The following ATXN10 variants were observed in gnomAD, a reference collection of about 807,000 sequenced individuals.
ATXN10 encodes ataxin-10.
In ATXN10, 28 loss-of-function variants were observed where a neutral mutation model predicts 52.9. That is an observed-to-expected ratio of 0.53 (90% CI 0.39 to 0.73). The LOEUF is 0.73. ATXN10 is among the 30% of genes least tolerant of loss of function. ATXN10 has a pLI of 0.00. For missense variants in ATXN10, 565 were observed against 577.0 expected, an observed-to-expected ratio of 0.98 and a Z score of 0.21; for synonymous variants, 226 against 221.5, an observed-to-expected ratio of 1.02 and a Z score of -0.18.
intron 1 of ATXN10, among the ~76,000 whole-genome samples, chr22:45,689,235 G>A (rs1025393549): frequency 6.6e-6 from 1 of 152,172 alleles, no homozygotes; most frequent in African/African-American, 2.4e-5. Flanking sequence ...CAGAGGACCA[G>A]AATATATTCT....
chr22:45,745,354 G>T (rs1042361739), intron 9 of ATXN10, among the ~76,000 whole-genome samples: 1 of 152,012 alleles, frequency 6.6e-6, no homozygotes, highest in Admixed American at 6.6e-5. Context: ...CCTTCCGCCC[G>T]CCAAGGAAAT....
intron 10 of ATXN10, among the ~76,000 whole-genome samples, chr22:45,827,845 G>C (rs1163999743): frequency 6.6e-5 from 10 of 152,156 alleles, no homozygotes. Flanking sequence ...GTGCACAGAA[G>C]ACATTTTCCA....
chr22:45,807,537 C>T (rs1172752947), intron 10 of ATXN10, among the ~76,000 whole-genome samples: 1 of 152,206 alleles, frequency 6.6e-6, no homozygotes. Context: ...GTTTGTCCTG[C>T]AGCCCTCTGC....
Position 45,772,593 on chromosome 22 carries a change from ACT to A in ATXN10, c.1173+32058_1173+32059del, listed in dbSNP as rs1414896409. 6.6e-6 allele frequency among the ~76,000 whole-genome samples: 1 copy of A among 151,952 alleles called. No individual in the cohort carries two copies. Among genetic ancestry groups the A allele is most frequent in the Non-Finnish European group, 1.5e-5 (1 of 67,952 alleles). On this transcript the variant is annotated intron_variant, in intron 9 of 11. Coordinates refer to ENST00000252934, the MANE Select transcript of ATXN10 (RefSeq NM_013236.4). This position sits in a 1 kb window ranked among gnomAD's most constrained non-coding sequence, Gnocchi z 4.1. The stretch of plus-strand genomic sequence containing the variant: ...AATAGCTTTTTCATAACTCTACAAA[ACT>A]CTGCTGTGATTGTGATTGGAATTGC...
At chr22:45,807,592 C>T (rs899318381) in intron 10 of ATXN10, among the ~76,000 whole-genome samples, 2 of 152,244 alleles carry the variant, frequency 1.3e-5, no homozygotes, top group East Asian at 3.8e-4. Context: ...TTGGGTTGGC[C>T]ACCCTTGCTG....
rs1295208819 is a variant in ATXN10, at chr22:45,770,793, C to A, written c.1173+30255C>A. Among the ~76,000 whole-genome samples, 1 of 152,246 alleles carries A rather than the reference C, an allele frequency of 6.6e-6. No individual in the cohort carries two copies. Among genetic ancestry groups the A allele is most frequent in the Non-Finnish European group, 1.5e-5 (1 of 68,046 alleles). On this transcript the variant is annotated intron_variant, in intron 9 of 11. Transcript: ENST00000252934. The surrounding 1 kb of genome is among the most constrained non-coding windows in gnomAD (Gnocchi z 4.5). ...GCCACGTCACATTCTCCATGCCTTG[C>A]TGGGACCCTTTAGCCAGTGAATTGT...
At chr22:45,703,183 T>A (rs935376005) in intron 5 of ATXN10, among the ~76,000 whole-genome samples, 1 of 152,216 alleles carries the variant, frequency 6.6e-6, no homozygotes, top group Non-Finnish European at 1.5e-5. Flanking sequence ...CAGTAGCTAG[T>A]TCATTAGATC....
intron 9 of ATXN10, among the ~76,000 whole-genome samples, chr22:45,773,918 G>A (rs1325480442): frequency 1.3e-5 from 2 of 152,234 alleles, no homozygotes; most frequent in East Asian, 3.8e-4. Flanking sequence ...ATCCACAGGT[G>A]TATTTCTATG....
rs1411581049 is a variant in ATXN10 at position 45,750,643 on chromosome 22, A to C, written c.1173+10105A>C. On this transcript the variant is annotated intron_variant, in intron 9 of 11. Transcript: ENST00000252934. This position sits in a 1 kb window ranked among gnomAD's most constrained non-coding sequence, Gnocchi z 4.2. ...AAGCCATAATTTTGACTATAAAATG[A>C]AAATAATTGAGGAATTGTCATATCA... is the stretch of plus-strand genomic sequence containing the variant. Among the ~76,000 whole-genome samples, 19 of 152,236 alleles carry C rather than the reference A, an allele frequency of 1.2e-4. 1 individual carries two copies. Among genetic ancestry groups the C allele is most frequent in the Admixed American group, 1.2e-3 (19 of 15,280 alleles).
intron 6 of ATXN10, among the ~76,000 whole-genome samples, chr22:45,726,202 C>G (rs758641839): frequency 3.3e-5 from 5 of 152,146 alleles, no homozygotes. Flanking sequence ...AGGATTCTCT[C>G]TTTCTCAACC....
rs1489893882 is a variant in ATXN10 at position 45,789,294 on chromosome 22, T to A, written c.1174-17665T>A. Among the ~76,000 whole-genome samples the A allele has an allele frequency of 6.6e-6, 1 of 152,228 alleles. No homozygotes were observed. The highest frequency in any genetic ancestry group is 2.4e-5 in the African/African-American group (1 of 41,464). On this transcript the variant is annotated intron_variant, in intron 9 of 11. Transcript: ENST00000252934. This position sits in a 1 kb window ranked among gnomAD's most constrained non-coding sequence, Gnocchi z 4.0. ...CCTGCCTCCCCCTGGCTAAGTTTCA[T>A]TCAGTACGTATCTGTTGGTTATATT...
intron 9 of ATXN10, among the ~76,000 whole-genome samples, chr22:45,747,537 G>T (rs969670941): frequency 6.6e-6 from 1 of 152,076 alleles, no homozygotes; most frequent in African/African-American, 2.4e-5. Flanking sequence ...TGAGCAGTGG[G>T]TTCTCCTGTC....
At chr22:45,760,524 C>G (rs111656853) in intron 9 of ATXN10, 1 of 153,972 alleles carries the variant, frequency 6.5e-6, no homozygotes, top group African/African-American at 2.4e-5. Context: ...CCCATTATTT[C>G]TGATACCCCA....
At chr22:45,737,956 G>A (rs1925365246) in intron 7 of ATXN10, among the ~76,000 whole-genome samples, 1 of 151,916 alleles carries the variant, frequency 6.6e-6, no homozygotes, top group Non-Finnish European at 1.5e-5. Flanking sequence ...TCTGGCCTCG[G>A]CCTCCCAATG....
Position 45,672,110 on chromosome 22 carries a change from T to A in ATXN10, c.47T>A (p.Val16Glu). ...PPPARLSGVM[V>E]PAPIQDLEAL... Reference sequence around the variant, plus strand: ...CCTGCCAGGCTGTCGGGCGTCATGGTGCCGGCGCCCATCCAAGACCTGGAG... The same window carrying A: ...CCTGCCAGGCTGTCGGGCGTCATGGAGCCGGCGCCCATCCAAGACCTGGAG... Residue 16 changes from valine (V) to glutamate (E), a missense_variant, in exon 1 of 12, where the codon GTG (valine) becomes GAG (glutamate). Coordinates refer to ENST00000252934, the MANE Select transcript of ATXN10 (RefSeq NM_013236.4). 6.5e-7 allele frequency: 1 copy of A among 1,539,384 alleles called. No individual in the cohort carries two copies. The highest frequency in any genetic ancestry group is 8.7e-7 in the Non-Finnish European group (1 of 1,145,398).
At chr22:45,768,131 A>G (rs1926651618) in intron 9 of ATXN10, among the ~76,000 whole-genome samples, 1 of 152,216 alleles carries the variant, frequency 6.6e-6, no homozygotes, top group Non-Finnish European at 1.5e-5. Flanking sequence ...TCCTACCCTT[A>G]TTCACTGAAA....
intron 9 of ATXN10, among the ~76,000 whole-genome samples, chr22:45,745,002 T>TA (rs1403362317): frequency 6.6e-6 from 1 of 152,206 alleles, no homozygotes; most frequent in Admixed American, 6.5e-5. Context: ...CTTCTATTCT[T>TA]ACCTTGTTTT....
chr22:45,736,491 G>A (rs1156530905), intron 7 of ATXN10, among the ~76,000 whole-genome samples: 1 of 146,666 alleles, frequency 6.8e-6, no homozygotes, highest in Admixed American at 6.6e-5. Context: ...CACCTTATCT[G>A]TAACACCTTA....
At chr22:45,700,162 T>A in intron 3 of ATXN10, 120 bp from the exon 4 acceptor site, 1 of 785,646 alleles carries the variant, frequency 1.3e-6, no homozygotes, top group Non-Finnish European at 2.0e-6. Context: ...CAGACTTTAA[T>A]TTTTAAAAGA....
Sources: gnomAD v4.1 joint callset for allele counts (sites outside exome capture counted in the v4.1 genomes callset) on GRCh38, gnomAD v4.1.1 for gene constraint, Gnocchi (gnomAD v3.1) non-coding constraint, MANE v1.5 for transcripts, NCBI Gene and HGNC (gene_info 2026-07-23, HGNC 2026-07-21) for gene names.